CADPS2: variants seen among roughly 807,000 people sequenced by gnomAD.
CADPS2 encodes calcium dependent secretion activator 2, also known as calcium-dependent secretion activator 2.
In CADPS2, 93 loss-of-function variants were observed where a neutral mutation model predicts 172.5. That is an observed-to-expected ratio of 0.54 (90% CI 0.46 to 0.64). The LOEUF (loss-of-function observed/expected upper bound fraction) is 0.64, where lower values mean the gene tolerates loss of function less well. Ranked by LOEUF, CADPS2 falls within the 30% of genes least tolerant of loss-of-function variation. The pLI is 0.00. For synonymous variants in CADPS2, 546 were observed against 555.2 expected (o/e 0.98, Z 0.23); for missense variants, 1,420 against 1,565.9 (o/e 0.91, Z 1.57).
chr7:122,791,091 T>C (rs935884925), intron 1 of CADPS2, among the ~76,000 whole-genome samples: 23 of 152,184 alleles, frequency 1.5e-4, no homozygotes, highest in African/African-American at 5.3e-4. Flanking sequence ...CCATGCTGAC[T>C]ACCAGAACAA....
At chr7:122,433,764 G>T (rs551737342) in intron 17 of CADPS2, among the ~76,000 whole-genome samples, 2 of 152,244 alleles carry the variant, frequency 1.3e-5, no homozygotes, top group African/African-American at 4.8e-5. Flanking sequence ...TAGAGTTGCC[G>T]ACCTGTACAG....
intron 14 of CADPS2, among the ~76,000 whole-genome samples, chr7:122,458,836 A>G (rs539024096): frequency 6.6e-6 from 1 of 152,298 alleles, no homozygotes; most frequent in South Asian, 2.1e-4. Context: ...GCTGTATATA[A>G]TTCCAGAATT....
intron 8 of CADPS2, among the ~76,000 whole-genome samples, chr7:122,517,307 G>C (rs1265072436): frequency 6.6e-6 from 1 of 152,026 alleles, no homozygotes; most frequent in African/African-American, 2.4e-5. Context: ...CTAGTTGGTG[G>C]ACATTTAAGT....
intron 2 of CADPS2, among the ~76,000 whole-genome samples, chr7:122,734,949 CT>C (rs765620731): frequency 1.2e-4 from 19 of 152,254 alleles, no homozygotes; most frequent in Admixed American, 3.3e-4. Flanking sequence ...GTCAAACCAC[CT>C]CTTCAATGCT....
chr7:122,679,144 G>A (rs911558772), intron 2 of CADPS2, among the ~76,000 whole-genome samples: 1 of 151,802 alleles, frequency 6.6e-6, no homozygotes, highest in Non-Finnish European at 1.5e-5. Flanking sequence ...GCTGCCTGTG[G>A]GCCGGGCAGG....
chr7:122,753,503 T>A (rs922473955), intron 1 of CADPS2, among the ~76,000 whole-genome samples: 16 of 152,282 alleles, frequency 1.1e-4, no homozygotes, highest in African/African-American at 3.8e-4. Context: ...ACTCCTACAG[T>A]GATGGGGGAG....
intron 1 of CADPS2, among the ~76,000 whole-genome samples, chr7:122,824,057 T>A (rs1804157494): frequency 2.0e-5 from 3 of 152,212 alleles, no homozygotes; most frequent in Admixed American, 1.3e-4. Context: ...TTTGTCCCTT[T>A]GATCTGCAGT....
At chr7:122,857,154 G>T (rs993430358) in intron 1 of CADPS2, among the ~76,000 whole-genome samples, 6 of 152,118 alleles carry the variant, frequency 3.9e-5, no homozygotes, top group African/African-American at 1.4e-4. Context: ...ATACAAAATT[G>T]TTTTTATGGC....
chr7:122,439,571 C>T (rs766385139), intron 16 of CADPS2, among the ~76,000 whole-genome samples: 1 of 152,090 alleles, frequency 6.6e-6, no homozygotes, highest in Admixed American at 6.6e-5. Flanking sequence ...TATCAGTGAC[C>T]TTTGACAACA....
intron 1 of CADPS2, among the ~76,000 whole-genome samples, chr7:122,814,679 T>A (rs1800869198): frequency 6.6e-6 from 1 of 152,122 alleles, no homozygotes; most frequent in South Asian, 2.1e-4. Flanking sequence ...ATCTGATCCA[T>A]AAAGCATAAA....
chr7:122,871,591 T>C (rs1819767364), intron 1 of CADPS2, among the ~76,000 whole-genome samples: 1 of 152,038 alleles, frequency 6.6e-6, no homozygotes, highest in Admixed American at 6.6e-5. Context: ...AGATTCAGCA[T>C]ACAAAATACG....
intron 1 of CADPS2, among the ~76,000 whole-genome samples, chr7:122,845,264 C>T (rs531477692): frequency 3.1e-4 from 47 of 152,110 alleles, no homozygotes; most frequent in Non-Finnish European, 5.7e-4. Context: ...AAGATGTGAC[C>T]CCTGAAGAAG....
At chr7:122,836,970 T>C (rs1394615009) in intron 1 of CADPS2, among the ~76,000 whole-genome samples, 1 of 152,202 alleles carries the variant, frequency 6.6e-6, no homozygotes, top group Non-Finnish European at 1.5e-5. Context: ...ATCAACAGAA[T>C]ATACATTCTT....
At chr7:122,641,556 C>T (rs970318091) in intron 3 of CADPS2, among the ~76,000 whole-genome samples, 3 of 152,106 alleles carry the variant, frequency 2.0e-5, no homozygotes, top group Non-Finnish European at 4.4e-5. Context: ...AGATAAAGAA[C>T]CATGAATCTT....
intron 2 of CADPS2, among the ~76,000 whole-genome samples, chr7:122,720,766 A>G (rs939247245): frequency 1.3e-5 from 2 of 152,030 alleles, no homozygotes; most frequent in African/African-American, 4.8e-5. Context: ...CTGAATGTTC[A>G]TAAGATTACT....
At chr7:122,604,176 A>AC (rs1221516312) in intron 6 of CADPS2, among the ~76,000 whole-genome samples, 1 of 152,110 alleles carries the variant, frequency 6.6e-6, no homozygotes, top group East Asian at 1.9e-4. Context: ...ATTTTTCAAA[A>AC]CATGAACTTA....
At chr7:122,437,807 AG>A (rs1474654299) in intron 17 of CADPS2, among the ~76,000 whole-genome samples, 4 of 134,946 alleles carry the variant, frequency 3.0e-5, no homozygotes, top group African/African-American at 1.1e-4. Flanking sequence ...GCCTGAAGAA[AG>A]AAAAAAAAAA....
At chr7:122,479,816 T>C (rs1208691189) in intron 12 of CADPS2, among the ~76,000 whole-genome samples, 1 of 152,180 alleles carries the variant, frequency 6.6e-6, no homozygotes, top group Non-Finnish European at 1.5e-5. Context: ...TGAAAATAAG[T>C]TCACAAAATT....
Position 122,438,349 on chromosome 7 carries a change from T to C in CADPS2, c.2468A>G (p.Lys823Arg), listed in dbSNP as rs1438083256. The change falls in exon 17 of 30, where the codon AAA becomes AGA. Residue 823 changes from lysine to arginine, a missense_variant. Physicochemically the swap from Lys to Arg is conservative, Grantham distance 26. Transcript: ENST00000449022. ...TTGCTCACTGCACTGACCTTCTATTTTGGCATATTCTGTGAGTCTAGTGTA... is the reference window on the plus strand; with the variant it reads ...TTGCTCACTGCACTGACCTTCTATTCTGGCATATTCTGTGAGTCTAGTGTA... ...INYTRLTEYAKIEETMNQASP... is the reference protein window; with the variant it reads ...INYTRLTEYARIEETMNQASP... 2 of 1,612,990 alleles carry C rather than the reference T, an allele frequency of 1.2e-6. No individual in the cohort carries two copies.
Sources: allele counts gnomAD v4.1 joint callset (sites outside exome capture counted in the v4.1 genomes callset), GRCh38; gene constraint gnomAD v4.1.1; transcripts MANE v1.5; gene names NCBI Gene and HGNC (gene_info 2026-07-23, HGNC 2026-07-21).